Variants in CNTNAP2 observed in about 807,000 individuals in gnomAD.
CNTNAP2 encodes contactin associated protein 2, also known as contactin-associated protein-like 2.
CNTNAP2 carries 98 observed loss-of-function variants against 155.2 expected under a neutral mutation model. The observed-to-expected ratio is 0.63, with a 90% CI of 0.54 to 0.75. The LOEUF is 0.75. Ranked by LOEUF, CNTNAP2 falls within the 30% of genes least tolerant of loss-of-function variation. The probability of loss-of-function intolerance (pLI) is 0.00; values close to 1 mark genes in which losing one functional copy is unlikely to be tolerated. For synonymous variants in CNTNAP2, 651 were observed against 631.2 expected (o/e 1.03, Z -0.47); for missense variants, 1,727 against 1,688.1 (o/e 1.02, Z -0.40).
rs114276471 is a variant in CNTNAP2 at position 146,500,109 on chromosome 7, T to C, written c.98-274162T>C. 4.4e-3 allele frequency among the ~76,000 whole-genome samples: 642 copies of C among 144,580 alleles called. 10 individuals are homozygous for C. The highest frequency in any genetic ancestry group is 0.017 in the African/African-American group (613 of 35,158). 94.9% of individuals were successfully genotyped at this position (144,580 alleles called of 152,430 possible). Reference sequence around the variant, plus strand: ...AATTTGATCTTTTTGTGTGAATTCCTTAGAATTCCTAAATATCAGATTATG... The same window carrying C: ...AATTTGATCTTTTTGTGTGAATTCCCTAGAATTCCTAAATATCAGATTATG... On this transcript the variant is annotated intron_variant, in intron 1 of 23. Coordinates refer to ENST00000361727, the MANE Select transcript of CNTNAP2 (RefSeq NM_014141.6).
In CNTNAP2 at chr7:148,118,247, A is replaced by G; in HGVS notation, c.2513A>G (p.Glu838Gly). ...KTLTPWGVFL[E>G]NMGKEDFIKL... ...TTAACCCCCTGGGGAGTGTTTCTTG[A>G]AAATATGGGAAAGGAAGATTTCATC... Residue 838 changes from glutamate (E) to glycine (G), a missense_variant, in exon 16 of 24, where the codon GAA becomes GGA. Transcript: ENST00000361727. 2 of 1,614,128 alleles carry G rather than the reference A, an allele frequency of 1.2e-6. No homozygotes were observed. The highest frequency in any genetic ancestry group is 1.7e-6 in the Non-Finnish European group (2 of 1,180,024).
At chr7:147,470,571 A>ATAG in intron 10 of CNTNAP2, among the ~76,000 whole-genome samples, 1 of 152,076 alleles carries the variant, frequency 6.6e-6, no homozygotes, top group African/African-American at 2.4e-5. Flanking sequence ...GGTAGCTATG[A>ATAG]TAGTGTCTTG....
intron 15 of CNTNAP2, among the ~76,000 whole-genome samples, chr7:148,016,420 C>A (rs1189494274): frequency 6.6e-6 from 1 of 152,198 alleles, no homozygotes; most frequent in Non-Finnish European, 1.5e-5. Flanking sequence ...TCCCATGACA[C>A]TTGGATGCTC....
chr7:146,277,906 G>C (rs1443808572), intron 1 of CNTNAP2, among the ~76,000 whole-genome samples: 3 of 152,022 alleles, frequency 2.0e-5, no homozygotes, highest in Admixed American at 2.0e-4. Flanking sequence ...GAGATGAAAG[G>C]ACAAGAAAGA....
At chr7:147,842,794 C>T (rs1215083648) in intron 13 of CNTNAP2, among the ~76,000 whole-genome samples, 2 of 71,358 alleles carry the variant, frequency 2.8e-5, no homozygotes, top group African/African-American at 5.4e-5. Context: ...TTCCTGTGTC[C>T]ATGTGATCTC....
At chr7:146,487,443 A>G (rs960540291) in intron 1 of CNTNAP2, among the ~76,000 whole-genome samples, 1 of 152,218 alleles carries the variant, frequency 6.6e-6, no homozygotes, top group African/African-American at 2.4e-5. Context: ...GCAAAGTGCA[A>G]TGTCCTCCTA....
chr7:147,867,921 A>G (rs1799261321), intron 13 of CNTNAP2, among the ~76,000 whole-genome samples: 1 of 152,038 alleles, frequency 6.6e-6, no homozygotes, highest in African/African-American at 2.4e-5. Flanking sequence ...GAAGTTTGTT[A>G]TTATCAACCT....
At chr7:146,973,722 C>T (rs1452971615) in intron 3 of CNTNAP2, among the ~76,000 whole-genome samples, 1 of 152,142 alleles carries the variant, frequency 6.6e-6, no homozygotes, top group Admixed American at 6.6e-5. Context: ...ATATGAATGG[C>T]AGCCTGTCAT....
intron 1 of CNTNAP2, among the ~76,000 whole-genome samples, chr7:146,737,773 C>T (rs563710082): frequency 6.6e-6 from 1 of 152,068 alleles, no homozygotes; most frequent in Admixed American, 6.5e-5. Flanking sequence ...TTTTACTTAA[C>T]ATAATGTCCT....
chr7:147,020,954 T>C (rs1798807518), intron 3 of CNTNAP2, among the ~76,000 whole-genome samples: 1 of 152,166 alleles, frequency 6.6e-6, no homozygotes, highest in South Asian at 2.1e-4. Context: ...TTACCATTTT[T>C]CAGTATTTTG....
chr7:146,391,182 G>A (rs1347552719), intron 1 of CNTNAP2, among the ~76,000 whole-genome samples: 3 of 149,756 alleles, frequency 2.0e-5, no homozygotes, highest in African/African-American at 7.4e-5. Flanking sequence ...TAGTTAAAAG[G>A]ACATGACAAG....
intron 16 of CNTNAP2, among the ~76,000 whole-genome samples, chr7:148,121,475 G>A (rs191495260): frequency 3.1e-4 from 47 of 152,290 alleles, no homozygotes; most frequent in African/African-American, 1.1e-3. Context: ...GCTACCAGAG[G>A]GGCCTCAGGA....
intron 15 of CNTNAP2, among the ~76,000 whole-genome samples, chr7:148,030,375 A>AT (rs1396889012): frequency 1.3e-5 from 2 of 152,222 alleles, no homozygotes; most frequent in Non-Finnish European, 2.9e-5. Context: ...AATGTACTTA[A>AT]TATGCCATTA....
chr7:147,942,308 A>T (rs1563142649), intron 14 of CNTNAP2, among the ~76,000 whole-genome samples: 1 of 152,184 alleles, frequency 6.6e-6, no homozygotes, highest in Non-Finnish European at 1.5e-5. Flanking sequence ...TCCTAGTGAC[A>T]TTGGTAACTT....
At chr7:147,959,096 T>A (rs1230771670) in intron 14 of CNTNAP2, among the ~76,000 whole-genome samples, 1 of 152,202 alleles carries the variant, frequency 6.6e-6, no homozygotes. Flanking sequence ...TTGAGACTTG[T>A]ATTTCTCCAT....
intron 3 of CNTNAP2, among the ~76,000 whole-genome samples, chr7:146,933,876 CA>C (rs1796845426): frequency 6.6e-6 from 1 of 151,852 alleles, no homozygotes; most frequent in Admixed American, 6.6e-5. Context: ...AAATGCAAAT[CA>C]AAACCACAAT....
chr7:146,896,333 C>T (rs1340667554), intron 3 of CNTNAP2, among the ~76,000 whole-genome samples: 2 of 152,082 alleles, frequency 1.3e-5, no homozygotes, highest in East Asian at 3.9e-4. Flanking sequence ...TCCTCTTCAA[C>T]TCTTTTACTT....
chr7:146,245,340 A>C (rs1799628036), intron 1 of CNTNAP2, among the ~76,000 whole-genome samples: 2 of 152,164 alleles, frequency 1.3e-5, no homozygotes, highest in Non-Finnish European at 2.9e-5. Flanking sequence ...GGAGCCAGGG[A>C]GCAGAAAGTA....
At position 146,671,041 on chromosome 7, in the gene CNTNAP2, A is replaced by G. The variant is rs534247777; in HGVS notation, c.98-103230A>G. ...ACAACGAACTTCAAAGGTGCCATCC[A>G]GCTCCTCAAATTCTTGACCAGGACA... is the stretch of plus-strand genomic sequence containing the variant. On this transcript the variant is annotated intron_variant, in intron 1 of 23. Transcript: ENST00000361727. Among the ~76,000 whole-genome samples the G allele has an allele frequency of 3.9e-5, 6 of 152,348 alleles. No homozygotes were observed. The East Asian group carries it at 9.6e-4, about 24-fold the overall frequency.
Sources: allele counts gnomAD v4.1 joint callset (sites outside exome capture counted in the v4.1 genomes callset), GRCh38; gene constraint gnomAD v4.1.1; transcripts MANE v1.5; gene names NCBI Gene and HGNC (gene_info 2026-07-23, HGNC 2026-07-21).